Variants in DIAPH2 observed in about 807,000 individuals in gnomAD.
DIAPH2 encodes the protein protein diaphanous homolog 2.
In DIAPH2, 35 loss-of-function variants were observed where a neutral mutation model predicts 92.7. The ratio of observed to expected loss-of-function variants is 0.38; its 90% CI spans 0.29 to 0.50. DIAPH2 has a LOEUF of 0.50. Among genes scored for constraint, DIAPH2 ranks in the 20% least tolerant of loss-of-function variants. DIAPH2 has a pLI of 0.94. For synonymous variants in DIAPH2, 301 were observed against 280.4 expected, an observed-to-expected ratio of 1.07 and a Z score of -0.73; for missense variants, 701 against 819.5, an observed-to-expected ratio of 0.86 and a Z score of 1.77.
At chrX:96,778,728 T>C (rs929552643) in intron 4 of DIAPH2, among the ~76,000 whole-genome samples, 1 of 111,962 alleles carries the variant, frequency 8.9e-6, no homozygotes, top group Non-Finnish European at 1.9e-5. Flanking sequence ...AAAAAAAATT[T>C]CATTTCATTA....
At chrX:97,578,234 T>C (rs1253050789) in intron 26 of DIAPH2, among the ~76,000 whole-genome samples, 2 of 108,709 alleles carry the variant, frequency 1.8e-5, no homozygotes, top group Non-Finnish European at 3.8e-5. Flanking sequence ...GTTAGTTACA[T>C]ACGTATACAT....
At chrX:96,749,787 C>T (rs1029222167) in intron 3 of DIAPH2, among the ~76,000 whole-genome samples, 2 of 111,072 alleles carry the variant, frequency 1.8e-5, no homozygotes, top group Admixed American at 9.7e-5. Flanking sequence ...TGTGTAGACC[C>T]TCATCCTCAT....
chrX:97,217,814 C>T (rs1397078201), intron 22 of DIAPH2, among the ~76,000 whole-genome samples: 18 of 110,047 alleles, frequency 1.6e-4, no homozygotes, highest in African/African-American at 5.3e-4. Flanking sequence ...GGCATGGTGG[C>T]AAGCGCCTGT....
chrX:96,999,821 T>C (rs755903159), intron 17 of DIAPH2, among the ~76,000 whole-genome samples: 1 of 111,280 alleles, frequency 9.0e-6, no homozygotes, highest in East Asian at 2.8e-4. Context: ...TGGGAGGTAA[T>C]TGAATCATAG....
At chrX:97,029,063 G>A (rs1158109602) in intron 17 of DIAPH2, among the ~76,000 whole-genome samples, 1 of 111,227 alleles carries the variant, frequency 9.0e-6, no homozygotes, top group East Asian at 2.8e-4. Flanking sequence ...TAATGATTTC[G>A]AGCAGCATTT....
intron 22 of DIAPH2, among the ~76,000 whole-genome samples, chrX:97,226,338 GT>G (rs1665720841): frequency 2.0e-5 from 2 of 99,785 alleles, no homozygotes; most frequent in Admixed American, 2.0e-4. Context: ...ATGAGTATAC[GT>G]TTTTTGTTTT....
intron 23 of DIAPH2, among the ~76,000 whole-genome samples, chrX:97,275,573 C>T (rs763568869): frequency 1.3e-4 from 13 of 98,661 alleles, no homozygotes; most frequent in South Asian, 5.1e-4. Context: ...GGGCGGCTGC[C>T]GGGCAGAGGG....
chrX:97,348,966 G>C (rs1038793794), intron 24 of DIAPH2, among the ~76,000 whole-genome samples: 1 of 107,755 alleles, frequency 9.3e-6, no homozygotes, highest in African/African-American at 3.4e-5. Flanking sequence ...CATAATAGTT[G>C]ATATCAAACA....
At chrX:97,337,905 G>C (rs919458507) in intron 23 of DIAPH2, among the ~76,000 whole-genome samples, 1 of 99,223 alleles carries the variant, frequency 1.0e-5, no homozygotes, top group Admixed American at 1.2e-4. Context: ...ACTGAGTTTC[G>C]CTCGTTGCTC....
chrX:96,880,920 T>C (rs1434340273), intron 4 of DIAPH2, among the ~76,000 whole-genome samples: 1 of 111,708 alleles, frequency 9.0e-6, no homozygotes, highest in African/African-American at 3.2e-5. Flanking sequence ...TATTGAAAGT[T>C]AAGTTAAAAA....
intron 5 of DIAPH2, among the ~76,000 whole-genome samples, chrX:96,882,635 A>G (rs1190831814): frequency 5.4e-5 from 6 of 110,811 alleles, no homozygotes; most frequent in African/African-American, 2.0e-4. Context: ...AATGTTTTAT[A>G]AAGAAAAATA....
intron 21 of DIAPH2, among the ~76,000 whole-genome samples, chrX:97,140,920 G>A (rs955983059): frequency 9.0e-6 from 1 of 111,451 alleles, no homozygotes; most frequent in East Asian, 2.8e-4. Flanking sequence ...ACTTTATGCT[G>A]TATTTATGCT....
chrX:96,935,541 A>G (rs892201824), intron 10 of DIAPH2, among the ~76,000 whole-genome samples: 1 of 111,255 alleles, frequency 9.0e-6, no homozygotes, highest in Non-Finnish European at 1.9e-5. Flanking sequence ...GTTTCCAAGA[A>G]CTACTGAGGA....
intron 4 of DIAPH2, among the ~76,000 whole-genome samples, chrX:96,868,146 A>G (rs192995620): frequency 2.7e-5 from 3 of 111,982 alleles, no homozygotes; most frequent in African/African-American, 3.2e-5. Flanking sequence ...TTTGATTGGT[A>G]TAGCATGCTG....
At chrX:97,265,562 C>T (rs2068329508) in intron 23 of DIAPH2, among the ~76,000 whole-genome samples, 1 of 111,457 alleles carries the variant, frequency 9.0e-6, no homozygotes, top group Admixed American at 9.6e-5. Context: ...TGAGCTGAGG[C>T]CTGAAATATA....
intron 10 of DIAPH2, among the ~76,000 whole-genome samples, chrX:96,931,281 A>G (rs1433755473): frequency 8.9e-6 from 1 of 111,827 alleles, no homozygotes; most frequent in East Asian, 2.8e-4. Flanking sequence ...TACTCTTGTT[A>G]CAAGGCTATA....
At chrX:96,825,354 C>CTTTTTTTTTT (rs57788752) in intron 4 of DIAPH2, among the ~76,000 whole-genome samples, 18 of 82,559 alleles carry the variant, frequency 2.2e-4, no homozygotes, top group Non-Finnish European at 4.0e-4. Flanking sequence ...CATGTGTTTT[C>CTTTTTTTTTT]TTTTTTTTTT....
intron 26 of DIAPH2, among the ~76,000 whole-genome samples, chrX:97,459,176 G>T (rs1195237527): frequency 2.7e-5 from 3 of 112,016 alleles, no homozygotes; most frequent in Non-Finnish European, 5.6e-5. Flanking sequence ...ATTCTCACAG[G>T]CCATGGGTGT....
At chrX:96,971,124 T>C (rs1358052353) in intron 17 of DIAPH2, among the ~76,000 whole-genome samples, 2 of 111,853 alleles carry the variant, frequency 1.8e-5, no homozygotes, top group African/African-American at 6.5e-5. Context: ...GTCTGGATCT[T>C]AGAAGTTATT....
Sources: allele counts gnomAD v4.1 joint callset (sites outside exome capture counted in the v4.1 genomes callset), GRCh38; gene constraint gnomAD v4.1.1; transcripts MANE v1.5; gene names NCBI Gene and HGNC (gene_info 2026-07-23, HGNC 2026-07-21).